The following SUCLG2 variants were observed in gnomAD, a reference collection of about 807,000 sequenced individuals.
SUCLG2 encodes succinate-CoA ligase GDP-forming subunit beta.
In SUCLG2, 42 loss-of-function variants were observed where a neutral mutation model predicts 47.9. The observed-to-expected ratio is 0.88, with a 90% CI of 0.69 to 1.14. The LOEUF is 1.14. SUCLG2 is among the 50% of genes most tolerant of loss of function. SUCLG2 has a pLI of 0.00. For missense variants in SUCLG2, 571 were observed against 525.9 expected (o/e 1.09, Z -0.84); for synonymous variants, 195 against 197.3 (o/e 0.99, Z 0.10).
At chr3:67,641,928 T>A (rs1321603937) in intron 1 of SUCLG2, among the ~76,000 whole-genome samples, 1 of 152,194 alleles carries the variant, frequency 6.6e-6, no homozygotes, top group Non-Finnish European at 1.5e-5. Flanking sequence ...AAAGCATCAC[T>A]ACTTTCATCT....
chr3:67,458,036 G>A (rs561481356), intron 9 of SUCLG2, among the ~76,000 whole-genome samples: 1 of 152,214 alleles, frequency 6.6e-6, no homozygotes, highest in South Asian at 2.1e-4. Flanking sequence ...GCCACATAGG[G>A]AGGCTGGTTA....
At chr3:67,499,053 G>A (rs1295514489) in intron 7 of SUCLG2, among the ~76,000 whole-genome samples, 1 of 152,096 alleles carries the variant, frequency 6.6e-6, no homozygotes, top group Non-Finnish European at 1.5e-5. Flanking sequence ...TCCTGGAACC[G>A]ATTCCCTGCA....
chr3:67,549,595 T>A (rs1706957082), intron 2 of SUCLG2, among the ~76,000 whole-genome samples: 1 of 152,218 alleles, frequency 6.6e-6, no homozygotes, highest in Admixed American at 6.5e-5. Context: ...AGTTTTGTTA[T>A]AATCTGCGTT....
At chr3:67,393,094 G>T (rs955942200) in intron 10 of SUCLG2, among the ~76,000 whole-genome samples, 3 of 152,206 alleles carry the variant, frequency 2.0e-5, no homozygotes, top group African/African-American at 7.2e-5. Flanking sequence ...CGTGAGCGAC[G>T]CAGAAGACGG....
rs1241742061 is a variant in SUCLG2 at position 67,473,383 on chromosome 3, T to C, written c.1062+22415A>G. On this transcript the variant is annotated intron_variant, in intron 9 of 10. Transcript: ENST00000307227. Reference sequence around the variant, plus strand: ...AGGATTACATTATGGAGCTCAATTATTTAGGAAATAAATCCCTCAGACACT... The same window carrying C: ...AGGATTACATTATGGAGCTCAATTACTTAGGAAATAAATCCCTCAGACACT... Among the ~76,000 whole-genome samples the C allele has an allele frequency of 2.4e-4, 37 of 152,156 alleles. 1 individual carries two copies. The highest frequency in any genetic ancestry group is 2.4e-3 in the Admixed American group (37 of 15,274).
intron 7 of SUCLG2, among the ~76,000 whole-genome samples, chr3:67,498,508 A>G (rs1037706293): frequency 6.6e-6 from 1 of 152,218 alleles, no homozygotes; most frequent in South Asian, 2.1e-4. Context: ...TAAAGAACAT[A>G]GTAATTTCTA....
intron 4 of SUCLG2, among the ~76,000 whole-genome samples, chr3:67,520,911 A>G (rs1192863859): frequency 6.6e-6 from 1 of 152,150 alleles, no homozygotes; most frequent in Non-Finnish European, 1.5e-5. Flanking sequence ...TCCTTCCTCA[A>G]GAAACTGTGT....
At chr3:67,574,505 C>A (rs200636467) in intron 2 of SUCLG2, among the ~76,000 whole-genome samples, 2 of 152,144 alleles carry the variant, frequency 1.3e-5, no homozygotes, top group East Asian at 1.9e-4. Flanking sequence ...ATGGTAGAGA[C>A]AATAGCACAA....
At position 67,443,383 on chromosome 3, in the gene SUCLG2, G is replaced by C. The variant is rs570000503; in HGVS notation, c.1063-42532C>G. Among the ~76,000 whole-genome samples, 2 of 66,462 alleles carry C rather than the reference G, an allele frequency of 3.0e-5. 1 individual carries two copies. Among genetic ancestry groups the C allele is most frequent in the African/African-American group, 1.1e-4 (2 of 18,662 alleles). 43.6% of individuals were successfully genotyped at this position (66,462 alleles called of 152,430 possible). A position where few individuals can be genotyped will look rare whatever the true frequency, so the allele number is the denominator to read the frequency against. On this transcript the variant is annotated intron_variant, in intron 9 of 10. Transcript: ENST00000307227. ...CTCGGGAGGCAGCGGCTGGAGGAGC[G>C]GACGGGCCCCGCGGGGCCCGAGGGC...
intron 9 of SUCLG2, among the ~76,000 whole-genome samples, chr3:67,417,691 A>T (rs1380775733): frequency 6.6e-6 from 1 of 152,104 alleles, no homozygotes; most frequent in Non-Finnish European, 1.5e-5. Flanking sequence ...CACATAACCC[A>T]CAGATGTGTA....
At chr3:67,386,458 T>G (rs917053429) in intron 10 of SUCLG2, among the ~76,000 whole-genome samples, 4 of 151,636 alleles carry the variant, frequency 2.6e-5, no homozygotes, top group Non-Finnish European at 5.9e-5. Flanking sequence ...TATTAGTCTG[T>G]TCTCACGCCG....
intron 10 of SUCLG2, among the ~76,000 whole-genome samples, chr3:67,378,064 G>T (rs1043113915): frequency 6.6e-6 from 1 of 152,188 alleles, no homozygotes; most frequent in African/African-American, 2.4e-5. Flanking sequence ...GAATGAGAAA[G>T]ACCCTTCTAT....
rs1256947732 is a variant in SUCLG2, at chr3:67,520,329, C to A, written c.570+153G>T. On this transcript the variant is annotated intron_variant, in intron 5 of 10. Transcript: ENST00000307227. The stretch of plus-strand genomic sequence containing the variant: ...TACCTTGATTCCACCCAACTTTCAA[C>A]TGGATACCCAGAAAGAAAAAGGGCT... Among the ~76,000 whole-genome samples the A allele has an allele frequency of 3.9e-5, 6 of 152,328 alleles. No homozygotes were observed. The East Asian group carries it at 1.2e-3, about 29-fold the overall frequency.
At chr3:67,367,407 T>C (rs1701891337) in intron 10 of SUCLG2, among the ~76,000 whole-genome samples, 1 of 152,236 alleles carries the variant, frequency 6.6e-6, no homozygotes, top group South Asian at 2.1e-4. Flanking sequence ...AGCATTTGTA[T>C]CTTTTTAAAT....
intron 4 of SUCLG2, among the ~76,000 whole-genome samples, chr3:67,523,533 T>A (rs2107135655): frequency 6.6e-6 from 1 of 152,236 alleles, no homozygotes; most frequent in South Asian, 2.1e-4. Context: ...GGTAGGACAA[T>A]ATTTGAAGCA....
At chr3:67,530,724 G>GT (rs1280530595) in intron 2 of SUCLG2, among the ~76,000 whole-genome samples, 9 of 152,154 alleles carry the variant, frequency 5.9e-5, no homozygotes, top group East Asian at 1.9e-4. Flanking sequence ...AGCAAACACA[G>GT]TTTTTTCTTA....
chr3:67,617,447 G>C (rs1700650549), intron 1 of SUCLG2, among the ~76,000 whole-genome samples: 1 of 152,188 alleles, frequency 6.6e-6, no homozygotes, highest in Non-Finnish European at 1.5e-5. Context: ...GGAAGAATAG[G>C]ACTGTGGGTA....
chr3:67,539,528 G>T (rs190201056), intron 2 of SUCLG2, among the ~76,000 whole-genome samples: 3,378 of 152,104 alleles, frequency 0.022, 128 homozygotes, highest in African/African-American at 0.078. Flanking sequence ...TTCTTTTTTT[G>T]TTGTGTCTCT....
intron 1 of SUCLG2, among the ~76,000 whole-genome samples, chr3:67,637,225 A>G (rs929935557): frequency 3.9e-5 from 6 of 152,314 alleles, no homozygotes; most frequent in East Asian, 1.9e-4. Context: ...TTAAAAAGGG[A>G]TATCAGACAG....
Sources: gnomAD v4.1 joint callset for allele counts (sites outside exome capture counted in the v4.1 genomes callset) on GRCh38, gnomAD v4.1.1 for gene constraint, MANE v1.5 for transcripts, NCBI Gene and HGNC (gene_info 2026-07-23, HGNC 2026-07-21) for gene names.